The following HEMK2 variants were observed in gnomAD, a reference collection of about 807,000 sequenced individuals.
HEMK2 encodes the protein HemK methyltransferase 2, ETF1 glutamine and histone H4 lysine.
the HEMK2 span, among the ~76,000 whole-genome samples, chr21:28,665,909 T>C: frequency 6.6e-6 from 1 of 152,198 alleles, no homozygotes; most frequent in African/African-American, 2.4e-5. Context: ...TTTGGGTACT[T>C]CATTGTCCAT....
chr21:28,751,318 G>A, the HEMK2 span, among the ~76,000 whole-genome samples: 2 of 151,816 alleles, frequency 1.3e-5, no homozygotes, highest in East Asian at 1.9e-4. Flanking sequence ...CTTCTAAGGG[G>A]TGTGGGTTTC....
the HEMK2 span, among the ~76,000 whole-genome samples, chr21:28,869,502 ACTT>A: frequency 5.3e-4 from 81 of 152,274 alleles, no homozygotes; most frequent in African/African-American, 1.7e-3. Context: ...TATAAGAACC[ACTT>A]CTTCTTCTTG....
At chr21:28,646,925 T>C in the HEMK2 span, among the ~76,000 whole-genome samples, 1 of 152,212 alleles carries the variant, frequency 6.6e-6, no homozygotes, top group African/African-American at 2.4e-5. Context: ...TTAAGCATGT[T>C]GCTTGGGCCA....
chr21:28,674,498 T>C, the HEMK2 span: 4 of 152,176 alleles, frequency 2.6e-5, no homozygotes, highest in Non-Finnish European at 5.9e-5. Flanking sequence ...CATTCAGAGG[T>C]AGGCAGACAG....
chr21:28,843,228 C>G, the HEMK2 span, among the ~76,000 whole-genome samples: 1 of 152,168 alleles, frequency 6.6e-6, no homozygotes, highest in South Asian at 2.1e-4. Flanking sequence ...GTACCTGAGA[C>G]TAGGCAATTT....
the HEMK2 span, among the ~76,000 whole-genome samples, chr21:28,787,368 C>G: frequency 6.6e-6 from 1 of 152,138 alleles, no homozygotes; most frequent in East Asian, 1.9e-4. Context: ...TAGCTAGCAC[C>G]TAATTAAACT....
the HEMK2 span, among the ~76,000 whole-genome samples, chr21:28,826,922 G>A: frequency 2.0e-5 from 3 of 152,156 alleles, no homozygotes; most frequent in African/African-American, 7.2e-5. Context: ...AATGAGCCAT[G>A]TCATCCAGTA....
At chr21:28,801,865 GAATCCAAAA>G in the HEMK2 span, among the ~76,000 whole-genome samples, 7 of 152,104 alleles carry the variant, frequency 4.6e-5, no homozygotes, top group Non-Finnish European at 1.5e-5. Flanking sequence ...AACAAAAAAA[GAATCCAAAA>G]ATTTGGAAAC....
At chr21:28,760,065 A>G in the HEMK2 span, among the ~76,000 whole-genome samples, 2 of 148,108 alleles carry the variant, frequency 1.4e-5, no homozygotes, top group Non-Finnish European at 3.0e-5. Flanking sequence ...ACAAAGTACC[A>G]CACCAAATGT....
chr21:28,856,384 C>T, the HEMK2 span, among the ~76,000 whole-genome samples: 711 of 150,326 alleles, frequency 4.7e-3, 6 homozygotes, highest in African/African-American at 0.016. Context: ...CACTGCACTC[C>T]AGCCTGGATT....
At chr21:28,621,198 A>G in the HEMK2 span, among the ~76,000 whole-genome samples, 1 of 152,070 alleles carries the variant, frequency 6.6e-6, no homozygotes, top group African/African-American at 2.4e-5. Flanking sequence ...TCCTGTGGGC[A>G]TTTAGTGCTA....
chr21:28,838,972 A>AAAAAAAAAAAATATATAT, the HEMK2 span, among the ~76,000 whole-genome samples: 1 of 29,162 alleles, frequency 3.4e-5, no homozygotes, highest in Non-Finnish European at 5.6e-5. Flanking sequence ...AAAAAAAAAA[A>AAAAAAAAAAAATATATAT]ATATATATAT....
At chr21:28,593,884 A>G in the HEMK2 span, among the ~76,000 whole-genome samples, 1 of 152,220 alleles carries the variant, frequency 6.6e-6, no homozygotes, top group Non-Finnish European at 1.5e-5. Context: ...ATCGAGGTAG[A>G]GCATCATTCA....
the HEMK2 span, among the ~76,000 whole-genome samples, chr21:28,595,487 T>A: frequency 6.6e-6 from 1 of 152,216 alleles, no homozygotes; most frequent in Non-Finnish European, 1.5e-5. Context: ...TCCAGTTTCA[T>A]CCATGTTGTT....
At chr21:28,856,014 T>C in the HEMK2 span, among the ~76,000 whole-genome samples, 2 of 152,220 alleles carry the variant, frequency 1.3e-5, no homozygotes, top group Non-Finnish European at 2.9e-5. Flanking sequence ...GTTTTTTAAA[T>C]ACATTGCAGA....
the HEMK2 span, among the ~76,000 whole-genome samples, chr21:28,723,940 A>C: frequency 6.6e-6 from 1 of 152,164 alleles, no homozygotes; most frequent in Non-Finnish European, 1.5e-5. Flanking sequence ...AAAAGGAGTT[A>C]TTCCGTAACT....
chr21:28,764,205 C>T, the HEMK2 span, among the ~76,000 whole-genome samples: 1 of 152,052 alleles, frequency 6.6e-6, no homozygotes, highest in African/African-American at 2.4e-5. Context: ...CCTAAGATAG[C>T]CAAGTAGAAA....
the HEMK2 span, among the ~76,000 whole-genome samples, chr21:28,669,378 T>G: frequency 1.3e-5 from 2 of 152,060 alleles, no homozygotes; most frequent in East Asian, 3.9e-4. Context: ...TAAACTGAAG[T>G]TTCTGATGGA....
chr21:28,707,413 A>G, the HEMK2 span, among the ~76,000 whole-genome samples: 2 of 151,768 alleles, frequency 1.3e-5, no homozygotes, highest in Non-Finnish European at 2.9e-5. Context: ...GCGCCACCAG[A>G]CTGGGCTAAT....
Sources: allele counts gnomAD v4.1 joint callset (sites outside exome capture counted in the v4.1 genomes callset), GRCh38; gene constraint gnomAD v4.1.1; transcripts MANE v1.5; gene names NCBI Gene and HGNC (gene_info 2026-07-23, HGNC 2026-07-21).